The following PDE1A variants were observed in gnomAD, a reference collection of about 807,000 sequenced individuals.
PDE1A encodes the protein dual specificity calcium/calmodulin-dependent 3',5'-cyclic nucleotide phosphodiesterase 1A.
In PDE1A, 35 loss-of-function variants were observed where a neutral mutation model predicts 61.7. That is an observed-to-expected ratio of 0.57 (90% CI 0.43 to 0.75). PDE1A has a LOEUF of 0.75. Ranked by LOEUF, PDE1A falls within the 30% of genes least tolerant of loss-of-function variation. The pLI, the probability that PDE1A is intolerant of heterozygous loss-of-function variation, is 0.00. For missense variants in PDE1A, 597 were observed against 630.6 expected, an observed-to-expected ratio of 0.95 and a Z score of 0.57; for synonymous variants, 232 against 213.2, an observed-to-expected ratio of 1.09 and a Z score of -0.77.
upstream of PDE1A, among the ~76,000 whole-genome samples, chr2:182,525,496 G>C (rs1167116185): frequency 6.6e-6 from 1 of 152,144 alleles, no homozygotes; most frequent in African/African-American, 2.4e-5. Context: ...CCCAGTTCTA[G>C]AGGTGGGGCC....
chr2:182,404,063 A>G (rs962770528), intron 1 of PDE1A, among the ~76,000 whole-genome samples: 1 of 152,012 alleles, frequency 6.6e-6, no homozygotes, highest in Non-Finnish European at 1.5e-5. Context: ...TTTTAAAAAA[A>G]GTCATATCCT....
chr2:182,271,826 A>T (rs920043815), intron 1 of PDE1A, among the ~76,000 whole-genome samples: 1 of 152,174 alleles, frequency 6.6e-6, no homozygotes, highest in African/African-American at 2.4e-5. Context: ...ATTGGTGCTC[A>T]CCACTGAAAC....
intron 1 of PDE1A, among the ~76,000 whole-genome samples, chr2:182,291,700 A>C (rs929550848): frequency 6.6e-6 from 1 of 152,186 alleles, no homozygotes; most frequent in African/African-American, 2.4e-5. Flanking sequence ...GGGACAAGGA[A>C]ACAAGTAGGA....
At chr2:182,238,266 C>CAAAAAAAAAAAATAAAAAAAA (rs1690210354) in intron 3 of PDE1A, among the ~76,000 whole-genome samples, 1 of 98,104 alleles carries the variant, frequency 1.0e-5, no homozygotes, top group African/African-American at 4.4e-5. Flanking sequence ...CAGACTACGT[C>CAAAAAAAAAAAATAAAAAAAA]AAAAAAAAAA....
At chr2:182,168,159 G>C in exon 14 of PDE1A, 1 of 1,539,238 alleles carries the variant, frequency 6.5e-7, no homozygotes, top group South Asian at 1.3e-5. Context: ...ACAGGACAGG[G>C]TAGATTTCCA....
chr2:182,690,289 TGG>T, the PDE1A span, among the ~76,000 whole-genome samples: 50 of 152,288 alleles, frequency 3.3e-4, no homozygotes, highest in Admixed American at 6.5e-4. Flanking sequence ...AATAAAATAC[TGG>T]CAAATGGAAT....
chr2:182,189,969 C>T (rs1419444637), intron 10 of PDE1A, among the ~76,000 whole-genome samples: 1 of 152,196 alleles, frequency 6.6e-6, no homozygotes, highest in East Asian at 1.9e-4. Context: ...ATGAGCAACA[C>T]CAGCCTTGCA....
the PDE1A span, among the ~76,000 whole-genome samples, chr2:182,665,654 G>A: frequency 6.6e-5 from 10 of 152,280 alleles, no homozygotes; most frequent in Admixed American, 1.3e-4. Flanking sequence ...GTAAGACAGC[G>A]TGACGATTCC....
At chr2:182,518,004 C>A (rs10174383) in intron 2 of PDE1A, among the ~76,000 whole-genome samples, 1 of 151,874 alleles carries the variant, frequency 6.6e-6, no homozygotes, top group Admixed American at 6.6e-5. Flanking sequence ...TTTGGGTGAC[C>A]CTAGGTCTGA....
intron 2 of PDE1A, among the ~76,000 whole-genome samples, chr2:182,454,119 G>C (rs1294089931): frequency 1.4e-4 from 21 of 151,794 alleles, no homozygotes; most frequent in East Asian, 1.2e-3. Context: ...TCTTATACAC[G>C]AATAACAGAC....
chr2:182,408,286 T>A (rs921124215), intron 1 of PDE1A, among the ~76,000 whole-genome samples: 1 of 151,568 alleles, frequency 6.6e-6, no homozygotes, highest in Admixed American at 6.6e-5. Context: ...GGACTACCCA[T>A]GGATTTTGCA....
chr2:182,528,244 C>G, the PDE1A span, among the ~76,000 whole-genome samples: 1 of 152,122 alleles, frequency 6.6e-6, no homozygotes, highest in African/African-American at 2.4e-5. Flanking sequence ...GAAATCCAGG[C>G]TGAGGTGGTC....
the PDE1A span, among the ~76,000 whole-genome samples, chr2:182,704,168 G>A: frequency 1.4e-5 from 2 of 140,726 alleles, no homozygotes; most frequent in African/African-American, 2.6e-5. Context: ...CCGAGATCAC[G>A]CCACTGCACT....
intron 1 of PDE1A, among the ~76,000 whole-genome samples, chr2:182,322,980 T>C (rs749500196): frequency 6.6e-6 from 1 of 152,198 alleles, no homozygotes; most frequent in Non-Finnish European, 1.5e-5. Context: ...TGAGTTCTTA[T>C]CTGAATGTTT....
chr2:182,708,906 T>G, the PDE1A span, among the ~76,000 whole-genome samples: 1 of 152,324 alleles, frequency 6.6e-6, no homozygotes, highest in South Asian at 2.1e-4. Context: ...ATAACTAAAG[T>G]GCTTAAAATA....
the PDE1A span, among the ~76,000 whole-genome samples, chr2:182,624,339 T>A: frequency 6.6e-6 from 1 of 152,160 alleles, no homozygotes; most frequent in Middle Eastern, 3.2e-3. Flanking sequence ...TGAAAAGGTC[T>A]GTACTCAAAA....
chr2:182,675,688 T>C, the PDE1A span, among the ~76,000 whole-genome samples: 1 of 152,358 alleles, frequency 6.6e-6, no homozygotes, highest in Admixed American at 6.5e-5. Flanking sequence ...AGTTTTGATT[T>C]GCATTTCCCT....
chr2:182,690,802 T>C, the PDE1A span, among the ~76,000 whole-genome samples: 1 of 152,162 alleles, frequency 6.6e-6, no homozygotes, highest in African/African-American at 2.4e-5. Context: ...GCCCAAAATC[T>C]CTTTAAGCTG....
At chr2:182,512,765 C>T (rs188086910) in intron 2 of PDE1A, among the ~76,000 whole-genome samples, 1 of 152,116 alleles carries the variant, frequency 6.6e-6, no homozygotes, top group African/African-American at 2.4e-5. Flanking sequence ...ACAAACTGTT[C>T]TGATAGAGCT....
Sources: allele counts gnomAD v4.1 joint callset (sites outside exome capture counted in the v4.1 genomes callset), GRCh38; gene constraint gnomAD v4.1.1; transcripts MANE v1.5; gene names NCBI Gene and HGNC (gene_info 2026-07-23, HGNC 2026-07-21).